The following AGO3 variants were observed in gnomAD, a reference collection of about 807,000 sequenced individuals.
AGO3 encodes the protein protein argonaute-3.
In AGO3, 16 loss-of-function variants were observed where a neutral mutation model predicts 105.5. The observed-to-expected ratio is 0.15, with a 90% CI of 0.10 to 0.23. The LOEUF (loss-of-function observed/expected upper bound fraction) is 0.23. Among genes scored for constraint, AGO3 ranks in the 10% least tolerant of loss-of-function variants. AGO3 has a pLI of 1.00. For missense variants in AGO3, 534 were observed against 1,088.0 expected, an observed-to-expected ratio of 0.49 and a Z score of 7.16; for synonymous variants, 340 against 367.3, an observed-to-expected ratio of 0.93 and a Z score of 0.85.
At chr1:36,023,673 T>G (rs1267694686) in intron 11 of AGO3, among the ~76,000 whole-genome samples, 3 of 152,236 alleles carry the variant, frequency 2.0e-5, no homozygotes, top group African/African-American at 7.2e-5. Flanking sequence ...TGTTTACACG[T>G]CCGGAGATTA....
chr1:35,979,586 TA>T (rs1647014021), intron 5 of AGO3, among the ~76,000 whole-genome samples: 4 of 152,194 alleles, frequency 2.6e-5, no homozygotes, highest in Non-Finnish European at 5.9e-5. Context: ...CAGACTAGGA[TA>T]AATAAATTTC....
In AGO3 at chr1:36,027,064, G is replaced by C. The variant is rs745580103; in HGVS notation, c.1407-50G>C. Reference sequence around the variant, plus strand: ...CCAAACTTCCCATTACTACTTTGTAGGAATTCATGACTAGACAAAGGTTTT... The same window carrying C: ...CCAAACTTCCCATTACTACTTTGTACGAATTCATGACTAGACAAAGGTTTT... On this transcript the variant is annotated intron_variant, in intron 11 of 18. Transcript: ENST00000373191. This position sits in a 1 kb window ranked among gnomAD's most constrained non-coding sequence, Gnocchi z 4.0. 7.8e-6 allele frequency: 12 copies of C among 1,546,168 alleles called. No homozygotes were observed. The highest frequency in any genetic ancestry group is 1.4e-5 in the African/African-American group (1 of 72,724).
In AGO3 at chr1:36,069,663, AATC is replaced by A. The variant is rs1297331556; in HGVS notation, c.*13919_*13921del. 3 of 152,214 alleles carry A rather than the reference AATC, an allele frequency of 2.0e-5. No individual in the cohort carries two copies. The highest frequency in any genetic ancestry group is 4.4e-5 in the Non-Finnish European group (3 of 68,042). 9.4% of individuals were successfully genotyped at this position (152,214 alleles called of 1,614,324 possible). A position where few individuals can be genotyped will look rare whatever the true frequency, so the allele number is the denominator to read the frequency against. On this transcript the variant is annotated 3_prime_UTR_variant, in exon 19 of 19. Coordinates refer to ENST00000373191, the MANE Select transcript of AGO3 (RefSeq NM_024852.4). ...CACAGGCTGAATTTTTCTTTATAAT[AATC>A]CTTGGCAAAAGCATAACTTTTCAAA... is the stretch of plus-strand genomic sequence containing the variant.
intron 9 of AGO3, among the ~76,000 whole-genome samples, chr1:36,010,627 G>A (rs190787482): frequency 4.0e-5 from 6 of 151,562 alleles, no homozygotes; most frequent in African/African-American, 1.4e-4. Flanking sequence ...GAAAAAGAAG[G>A]TCGGGTGCGG....
At chr1:35,977,884 G>T (rs978988106) in intron 5 of AGO3, among the ~76,000 whole-genome samples, 1 of 151,774 alleles carries the variant, frequency 6.6e-6, no homozygotes, top group African/African-American at 2.4e-5. Context: ...AAAAAAAGAC[G>T]GTATGGCATC....
intron 13 of AGO3, 32 bp downstream of exon 13, chr1:36,034,365 A>G (rs764262262): frequency 2.0e-6 from 3 of 1,507,446 alleles, no homozygotes; most frequent in Admixed American, 2.0e-5. Flanking sequence ...TGAAAATATT[A>G]TTTTTATATC....
chr1:35,995,209 A>ATATAT lies in AGO3; in HGVS notation c.659-9132_659-9131insTATAT, dbSNP rs1553164849. ...GAGCAAGACACTGTCTAAAAAAAAA[A>ATATAT]ATATATATATATATATATATATATA... On this transcript the variant is annotated intron_variant, in intron 5 of 18. Coordinates refer to ENST00000373191, the MANE Select transcript of AGO3 (RefSeq NM_024852.4). Among the ~76,000 whole-genome samples, 419 of 114,682 alleles carry ATATAT rather than the reference A, an allele frequency of 3.7e-3. 2 individuals are homozygous for ATATAT. The highest frequency in any genetic ancestry group is 4.3e-3 in the Non-Finnish European group (263 of 61,108). The allele number at this position is 114,682 out of a possible 152,430, so 75.2% of individuals were successfully genotyped here.
chr1:35,976,862 G>A (rs972180058), intron 5 of AGO3, among the ~76,000 whole-genome samples: 1 of 151,794 alleles, frequency 6.6e-6, no homozygotes, highest in Non-Finnish European at 1.5e-5. Flanking sequence ...TCAAGTTTTG[G>A]TATTATTTCC....
At chr1:36,049,243 G>A (rs1642599971) in intron 17 of AGO3, among the ~76,000 whole-genome samples, 1 of 152,122 alleles carries the variant, frequency 6.6e-6, no homozygotes, top group Non-Finnish European at 1.5e-5. Context: ...ATTGGGGCTG[G>A]GTGCAGTGGC....
intron 2 of AGO3, among the ~76,000 whole-genome samples, chr1:35,946,639 A>G (rs924838495): frequency 6.6e-6 from 1 of 152,216 alleles, no homozygotes; most frequent in African/African-American, 2.4e-5. Flanking sequence ...TGTTTCTCTC[A>G]AGAAATTTGT....
intron 15 of AGO3, 71 bp from the exon 16 acceptor site, chr1:36,040,236 A>C: frequency 2.0e-6 from 3 of 1,483,786 alleles, no homozygotes; most frequent in Non-Finnish European, 2.8e-6. Context: ...AGATTAAATC[A>C]TTATCCTACT....
chr1:36,048,289 T>TTCAATCAA (rs139653844), intron 17 of AGO3, among the ~76,000 whole-genome samples: 1 of 151,918 alleles, frequency 6.6e-6, no homozygotes, highest in Non-Finnish European at 1.5e-5. Flanking sequence ...GTCTCAATCA[T>TTCAATCAA]TCAATCAATC....
intron 9 of AGO3, 50 bp from the exon 10 acceptor site, chr1:36,013,580 G>T: frequency 6.2e-7 from 1 of 1,607,728 alleles, no homozygotes; most frequent in Non-Finnish European, 8.5e-7. Flanking sequence ...CATTAAAGTA[G>T]GGGATTTGGG....
At chr1:35,936,413 GT>G (rs1646147026) in intron 1 of AGO3, among the ~76,000 whole-genome samples, 1 of 152,158 alleles carries the variant, frequency 6.6e-6, no homozygotes, top group Non-Finnish European at 1.5e-5. Flanking sequence ...AGAATTCCTT[GT>G]TTTTTGTTTG....
chr1:35,950,018 C>T (rs1259567874), intron 2 of AGO3, among the ~76,000 whole-genome samples: 1 of 152,228 alleles, frequency 6.6e-6, no homozygotes, highest in East Asian at 1.9e-4. Flanking sequence ...GTCAGGAGAT[C>T]GAGACCATCC....
intron 2 of AGO3, among the ~76,000 whole-genome samples, chr1:35,962,792 A>G (rs1198966907): frequency 1.3e-5 from 2 of 152,198 alleles, no homozygotes; most frequent in Admixed American, 6.5e-5. Context: ...AAAAATGTAG[A>G]CAAAACTGTA....
chr1:35,984,121 G>A (rs1042040142), intron 5 of AGO3, among the ~76,000 whole-genome samples: 1 of 152,124 alleles, frequency 6.6e-6, no homozygotes, highest in Non-Finnish European at 1.5e-5. Flanking sequence ...ATTATACAAG[G>A]CAATATGAGA....
intron 2 of AGO3, among the ~76,000 whole-genome samples, chr1:35,964,455 C>G (rs1463828260): frequency 6.6e-6 from 1 of 152,140 alleles, no homozygotes; most frequent in African/African-American, 2.4e-5. Flanking sequence ...AGTACATGAT[C>G]TTGTTCTTTT....
intron 1 of AGO3, among the ~76,000 whole-genome samples, chr1:35,938,154 T>C (rs1646186657): frequency 6.6e-6 from 1 of 151,982 alleles, no homozygotes; most frequent in African/African-American, 2.4e-5. Context: ...CTAATTTTTG[T>C]ATTTTTAGTG....
Sources: allele counts gnomAD v4.1 joint callset (sites outside exome capture counted in the v4.1 genomes callset), GRCh38; gene constraint gnomAD v4.1.1; non-coding constraint Gnocchi (gnomAD v3.1); transcripts MANE v1.5; gene names NCBI Gene and HGNC (gene_info 2026-07-23, HGNC 2026-07-21).